The following COL23A1 variants were observed in gnomAD, a reference collection of about 807,000 sequenced individuals.
The protein encoded by COL23A1 is collagen type XXIII alpha 1 chain, also known as collagen alpha-1(XXIII) chain.
A neutral mutation model predicts 99.3 loss-of-function variants in COL23A1; 97 were observed. The observed-to-expected ratio is 0.98, with a 90% confidence interval of 0.83 to 1.16. The LOEUF is 1.16. Among genes scored for constraint, COL23A1 ranks in the 50% most tolerant of loss-of-function variants. The pLI is 0.00. For synonymous variants in COL23A1, 320 were observed against 308.2 expected, an observed-to-expected ratio of 1.04 and a Z score of -0.40; for missense variants, 762 against 757.4, an observed-to-expected ratio of 1.01 and a Z score of -0.07.
At chr5:178,536,681 G>A (rs1306843029) in intron 2 of COL23A1, among the ~76,000 whole-genome samples, 1 of 152,164 alleles carries the variant, frequency 6.6e-6, no homozygotes, top group Non-Finnish European at 1.5e-5. Context: ...CCCATTCAGG[G>A]TGCGATGAGG....
intron 2 of COL23A1, among the ~76,000 whole-genome samples, chr5:178,321,340 C>A (rs1274557103): frequency 6.6e-6 from 1 of 152,204 alleles, no homozygotes; most frequent in Non-Finnish European, 1.5e-5. Flanking sequence ...ATCCTATTTT[C>A]TGCCTCTGAA....
chr5:178,536,125 G>T (rs1400052594), intron 2 of COL23A1, among the ~76,000 whole-genome samples: 3 of 152,270 alleles, frequency 2.0e-5, no homozygotes, highest in Non-Finnish European at 4.4e-5. Context: ...CGGAGGATGG[G>T]CCTTCAATAC....
intron 2 of COL23A1, among the ~76,000 whole-genome samples, chr5:178,377,566 C>T (rs1763143850): frequency 6.6e-6 from 1 of 152,212 alleles, no homozygotes; most frequent in East Asian, 1.9e-4. Flanking sequence ...GTCCTAGGAT[C>T]CTCAAGCCTA....
chr5:178,532,964 G>A (rs1760732746), intron 2 of COL23A1, among the ~76,000 whole-genome samples: 1 of 152,174 alleles, frequency 6.6e-6, no homozygotes, highest in African/African-American at 2.4e-5. Context: ...TGTTGGTTAA[G>A]CCCTGAGCTG....
intron 2 of COL23A1, among the ~76,000 whole-genome samples, chr5:178,498,205 A>AATATATATATAT (rs1159261586): frequency 5.8e-5 from 2 of 34,694 alleles, no homozygotes; most frequent in Non-Finnish European, 1.1e-4. Context: ...TCTTTATTTA[A>AATATATATATAT]ATATATATAT....
chr5:178,469,707 C>A (rs1037833182), intron 2 of COL23A1, among the ~76,000 whole-genome samples: 3 of 152,124 alleles, frequency 2.0e-5, no homozygotes, highest in African/African-American at 7.2e-5. Flanking sequence ...AGCCCCCGTC[C>A]TGTCTGCAGA....
At chr5:178,464,456 G>A (rs562915770) in intron 2 of COL23A1, among the ~76,000 whole-genome samples, 45 of 152,188 alleles carry the variant, frequency 3.0e-4, no homozygotes, top group African/African-American at 9.6e-4. Context: ...CCATTCAGCC[G>A]CTGATGGTCA....
At chr5:178,277,773 A>G (rs1756672714) in intron 5 of COL23A1, among the ~76,000 whole-genome samples, 1 of 79,564 alleles carries the variant, frequency 1.3e-5, no homozygotes, top group Non-Finnish European at 3.0e-5. Flanking sequence ...GTGCCTTTGA[A>G]CCGATCCCAA....
At chr5:178,343,329 G>A (rs56365630) in intron 2 of COL23A1, among the ~76,000 whole-genome samples, 15 of 152,316 alleles carry the variant, frequency 9.8e-5, no homozygotes, top group South Asian at 2.1e-4. Context: ...CCTGGGACAC[G>A]AGGGAGCAGT....
Position 178,589,359 on chromosome 5 carries a change from G to C in COL23A1, c.294+545C>G, listed in dbSNP as rs1045109689. 3.3e-5 allele frequency among the ~76,000 whole-genome samples: 5 copies of C among 152,046 alleles called. No individual in the cohort carries two copies. Among genetic ancestry groups the C allele is most frequent in the African/African-American group, 1.2e-4 (5 of 41,400 alleles). ...CCCCACCCCCATCCCCGAGGCCTCA[G>C]TGCGACGGTGACCGCTCAGTCTTGG... On this transcript the variant is annotated intron_variant, in intron 1 of 28. Coordinates refer to ENST00000390654, the MANE Select transcript of COL23A1 (RefSeq NM_173465.4). The surrounding 1 kb of genome is among the most constrained non-coding windows in gnomAD (Gnocchi z 5.4).
chr5:178,311,591 T>A (rs1758683180), intron 2 of COL23A1, among the ~76,000 whole-genome samples: 1 of 152,022 alleles, frequency 6.6e-6, no homozygotes, highest in Non-Finnish European at 1.5e-5. Context: ...AGGGTCTCAC[T>A]CTGTCACCCA....
rs549994916 is a variant in COL23A1, at chr5:178,313,874, A to G, written c.362-6955T>C. ...AAGGCAAGCGAGGTCCCTGGAAAAG[A>G]GCTTCCGAGACCAGATCATTAAAAC... On this transcript the variant is annotated intron_variant, in intron 2 of 28. Transcript: ENST00000390654. The surrounding 1 kb of genome is among the most constrained non-coding windows in gnomAD (Gnocchi z 4.2). Among the ~76,000 whole-genome samples the G allele has an allele frequency of 6.6e-6, 1 of 152,246 alleles. No individual in the cohort carries two copies. The highest frequency in any genetic ancestry group is 1.5e-5 in the Non-Finnish European group (1 of 68,016).
chr5:178,389,602 C>T (rs1426059824), intron 2 of COL23A1, among the ~76,000 whole-genome samples: 1 of 152,200 alleles, frequency 6.6e-6, no homozygotes, highest in Non-Finnish European at 1.5e-5. Flanking sequence ...TCCCTCCACC[C>T]CCAAGTCGTA....
rs183317867 is a variant in COL23A1 at position 178,366,971 on chromosome 5, G to A, written c.362-60052C>T. Among the ~76,000 whole-genome samples the A allele has an allele frequency of 4.5e-4, 68 of 152,262 alleles. No homozygotes were observed. Among genetic ancestry groups the A allele is most frequent in the African/African-American group, 1.5e-3 (63 of 41,556 alleles). On this transcript the variant is annotated intron_variant, in intron 2 of 28. Transcript: ENST00000390654. This position sits in a 1 kb window ranked among gnomAD's most constrained non-coding sequence, Gnocchi z 4.4. ...CTCTGCATTCCAGGTGTCTCCTACG[G>A]ACCTGGAATGGGGTGGTCATTTGGT...
intron 2 of COL23A1, among the ~76,000 whole-genome samples, chr5:178,485,202 G>T (rs2127958665): frequency 6.6e-6 from 1 of 152,314 alleles, no homozygotes; most frequent in Middle Eastern, 3.4e-3. Flanking sequence ...GCAGGATGTG[G>T]TGGCTCACGC....
At chr5:178,560,871 C>T in intron 1 of COL23A1, 123 bp from the exon 2 acceptor site, 1 of 856,682 alleles carries the variant, frequency 1.2e-6, no homozygotes, top group South Asian at 1.8e-5. Context: ...CTGGGGCTGT[C>T]TGTGAGACCA....
chr5:178,455,388 G>A (rs548648981), intron 2 of COL23A1, among the ~76,000 whole-genome samples: 24 of 152,316 alleles, frequency 1.6e-4, no homozygotes, highest in African/African-American at 5.8e-4. Context: ...CCTGGCATCG[G>A]CTGACACAGC....
At chr5:178,391,099 C>G (rs1008682003) in intron 2 of COL23A1, among the ~76,000 whole-genome samples, 10 of 152,220 alleles carry the variant, frequency 6.6e-5, no homozygotes, top group African/African-American at 2.4e-4. Flanking sequence ...GCAGCGGCAT[C>G]AGATTCTCAT....
chr5:178,248,262 A>G lies in COL23A1; in HGVS notation c.1150-8T>C. On this transcript the variant is annotated splice_region_variant and splice_polypyrimidine_tract_variant and intron_variant, in intron 19 of 28. Transcript: ENST00000390654. The stretch of plus-strand genomic sequence containing the variant: ...CTTGAGGCCGTCAGCGCCCTGCAGG[A>G]CGGCAATGGCCTGTGAGTCCTTTGT... The G allele has an allele frequency of 6.2e-7, 1 of 1,610,046 alleles. No individual in the cohort carries two copies. The highest frequency in any genetic ancestry group is 1.1e-5 in the South Asian group (1 of 90,900).
Sources: allele counts gnomAD v4.1 joint callset (sites outside exome capture counted in the v4.1 genomes callset), GRCh38; gene constraint gnomAD v4.1.1; non-coding constraint Gnocchi (gnomAD v3.1); transcripts MANE v1.5; gene names NCBI Gene and HGNC (gene_info 2026-07-23, HGNC 2026-07-21).